The following PREX2 variants were observed in gnomAD, a reference collection of about 807,000 sequenced individuals.
The protein encoded by PREX2 is phosphatidylinositol-3,4,5-trisphosphate dependent Rac exchange factor 2.
Under a neutral mutation model 203.2 loss-of-function variants are expected in PREX2, and 107 were observed. The ratio of observed to expected loss-of-function variants is 0.53; its 90% CI spans 0.45 to 0.62. The LOEUF (loss-of-function observed/expected upper bound fraction) is 0.62. Among genes scored for constraint, PREX2 ranks in the 20% least tolerant of loss-of-function variants. The pLI is 0.00. For missense variants in PREX2, 1,777 were observed against 1,955.9 expected, an observed-to-expected ratio of 0.91 and a Z score of 1.72; for synonymous variants, 672 against 663.6, an observed-to-expected ratio of 1.01 and a Z score of -0.19.
Position 68,131,797 on chromosome 8 carries a change from G to A in PREX2, c.3767-2262G>A, listed in dbSNP as rs185121395. On this transcript the variant is annotated intron_variant, in intron 31 of 39. Transcript: ENST00000288368. Reference sequence around the variant, plus strand: ...CTGGTGATTTTTGTGAAAGCTTACAGTGCAGATCCTTCTTTCTCTAGATTT... The same window carrying A: ...CTGGTGATTTTTGTGAAAGCTTACAATGCAGATCCTTCTTTCTCTAGATTT... Among the ~76,000 whole-genome samples, 215 of 152,242 alleles carry A rather than the reference G, an allele frequency of 1.4e-3. 2 individuals carry two copies. The highest frequency in any genetic ancestry group is 4.7e-3 in the African/African-American group (197 of 41,554).
At chr8:67,983,291 G>T (rs75942294) in intron 1 of PREX2, among the ~76,000 whole-genome samples, 17,347 of 97,272 alleles carry the variant, frequency 0.18, 1,134 homozygotes, top group South Asian at 0.25. Flanking sequence ...GCCCCACAAG[G>T]CATTCATGAA....
intron 1 of PREX2, among the ~76,000 whole-genome samples, chr8:67,996,027 T>G (rs975389170): frequency 4.4e-4 from 67 of 152,284 alleles, no homozygotes; most frequent in African/African-American, 1.5e-3. Context: ...TAATTTTAGT[T>G]CATGATATTT....
intron 39 of PREX2, among the ~76,000 whole-genome samples, chr8:68,230,764 C>A (rs1489083247): frequency 6.6e-6 from 1 of 152,108 alleles, no homozygotes; most frequent in Non-Finnish European, 1.5e-5. Flanking sequence ...TGAGTGGGCC[C>A]TGGGCAGAGC....
In PREX2 at chr8:68,146,209, A is replaced by G; in HGVS notation, c.4088A>G (p.Asn1363Ser). The G allele has an allele frequency of 1.3e-6, 2 of 1,599,458 alleles. No homozygotes were observed. The highest frequency in any genetic ancestry group is 1.7e-6 in the Non-Finnish European group (2 of 1,169,794). Reference sequence around the variant, plus strand: ...AATATACTATTAAATATCATTTTAGATGTTCCTCTTACATATCAAGCAGAA... The same window carrying G: ...AATATACTATTAAATATCATTTTAGGTGTTCCTCTTACATATCAAGCAGAA... The part of the protein sequence containing the change: ...KPSEEEPLVA[N>S]VPLTYQAEGS... The change falls in exon 34 of 40, where the codon AAT (asparagine) becomes AGT (serine). Residue 1363 changes from asparagine (N) to serine (S), a missense_variant and splice_region_variant. By Grantham distance (46) the Asn-to-Ser change is conservative. Transcript: ENST00000288368.
At chr8:68,177,838 C>T (rs1346681581) in intron 35 of PREX2, among the ~76,000 whole-genome samples, 1 of 152,022 alleles carries the variant, frequency 6.6e-6, no homozygotes, top group African/African-American at 2.4e-5. Context: ...CACCCCCTTG[C>T]TCTATGTGTT....
Position 68,193,682 on chromosome 8 carries a change from G to T in PREX2, c.4604+1157G>T, listed in dbSNP as rs1812340351. Among the ~76,000 whole-genome samples the T allele has an allele frequency of 2.0e-5, 3 of 152,208 alleles. No individual in the cohort carries two copies. In the South Asian group the frequency reaches 6.2e-4, roughly 32 times the overall value. The stretch of plus-strand genomic sequence containing the variant: ...AAGAAGACATAAATGGTCTAGGAAA[G>T]TTACAGCTAAAGAGTAGGATTCAGA... On this transcript the variant is annotated intron_variant, in intron 37 of 39. Transcript: ENST00000288368.
chr8:68,195,383 C>T (rs1356331749), intron 37 of PREX2, among the ~76,000 whole-genome samples: 1 of 152,146 alleles, frequency 6.6e-6, no homozygotes, highest in African/African-American at 2.4e-5. Context: ...CTGTAGACAC[C>T]AATGCCCCAT....
chr8:68,083,511 G>T, intron 18 of PREX2, 123 bp downstream of exon 18: 2 of 608,140 alleles, frequency 3.3e-6, no homozygotes, highest in Non-Finnish European at 5.5e-6. Context: ...GAACCTCACC[G>T]GTATCATTAA....
chr8:68,232,323 G>C lies in PREX2; in HGVS notation c.*945G>C, dbSNP rs1336804820. On this transcript the variant is annotated 3_prime_UTR_variant, in exon 40 of 40. Coordinates refer to ENST00000288368, the MANE Select transcript of PREX2 (RefSeq NM_024870.4). ...ACCATCATGAGAATTTTTCTGTTAA[G>C]ATATATGTATAAGATATGAAAATAA... 6.6e-6 allele frequency: 1 copy of C among 152,122 alleles called. No homozygotes were observed. The highest frequency in any genetic ancestry group is 2.4e-5 in the African/African-American group (1 of 41,440). The allele number at this position is 152,122 out of a possible 1,614,324, so 9.4% of individuals were successfully genotyped here. A position where few individuals can be genotyped will look rare whatever the true frequency, so the allele number is the denominator to read the frequency against.
At chr8:68,203,483 C>CAG (rs1439225432) in intron 37 of PREX2, among the ~76,000 whole-genome samples, 1 of 151,956 alleles carries the variant, frequency 6.6e-6, no homozygotes, top group East Asian at 1.9e-4. Flanking sequence ...GTGATTAGTA[C>CAG]AGAGAGAGAA....
At chr8:68,048,248 G>A (rs1171353621) in intron 8 of PREX2, among the ~76,000 whole-genome samples, 1 of 152,036 alleles carries the variant, frequency 6.6e-6, no homozygotes, top group African/African-American at 2.4e-5. Flanking sequence ...TAGTTGGAAA[G>A]CTATTGAACT....
In PREX2 at chr8:68,079,453, C is replaced by T. The variant is rs142090373; in HGVS notation, c.1643-990C>T. ...AATATGTAGAAGGTTTTATTGCCCC[C>T]ACTTTACAGATGAGGAAACTGAAAC... On this transcript the variant is annotated intron_variant, in intron 15 of 39. Transcript: ENST00000288368. Among the ~76,000 whole-genome samples the T allele has an allele frequency of 4.7e-3, 713 of 152,274 alleles. 5 individuals carry two copies. The highest frequency in any genetic ancestry group is 0.016 in the African/African-American group (685 of 41,540).
intron 35 of PREX2, among the ~76,000 whole-genome samples, chr8:68,188,878 A>G (rs1168836023): frequency 6.6e-6 from 1 of 152,192 alleles, no homozygotes; most frequent in South Asian, 2.1e-4. Flanking sequence ...AAGAAACAAA[A>G]ATGTCAAGTT....
intron 6 of PREX2, among the ~76,000 whole-genome samples, chr8:68,035,642 T>C (rs762939923): frequency 6.6e-6 from 1 of 152,152 alleles, no homozygotes; most frequent in Non-Finnish European, 1.5e-5. Flanking sequence ...TGTGTTAGGA[T>C]AATATTTTTA....
chr8:68,056,999 C>T (rs1475104397), intron 10 of PREX2, among the ~76,000 whole-genome samples: 1 of 152,100 alleles, frequency 6.6e-6, no homozygotes, highest in Admixed American at 6.5e-5. Flanking sequence ...GCTACCTCTG[C>T]CTCCCTCATA....
intron 35 of PREX2, among the ~76,000 whole-genome samples, chr8:68,186,748 GTGA>G (rs1350060829): frequency 1.3e-5 from 2 of 152,110 alleles, no homozygotes; most frequent in Non-Finnish European, 2.9e-5. Context: ...TCCTGACCTC[GTGA>G]TCCACCCACC....
intron 31 of PREX2, among the ~76,000 whole-genome samples, chr8:68,128,175 G>A (rs527628954): frequency 1.7e-4 from 26 of 152,254 alleles, no homozygotes; most frequent in Non-Finnish European, 2.4e-4. Flanking sequence ...CCTGCTGTGC[G>A]TCTCTTTCTG....
At chr8:68,167,392 G>T (rs1362754851) in intron 35 of PREX2, among the ~76,000 whole-genome samples, 1 of 150,762 alleles carries the variant, frequency 6.6e-6, no homozygotes, top group East Asian at 2.0e-4. Flanking sequence ...GCAGTGCAGT[G>T]GTGCAATCTT....
At chr8:68,151,344 G>T (rs1194097628) in intron 34 of PREX2, among the ~76,000 whole-genome samples, 1 of 152,066 alleles carries the variant, frequency 6.6e-6, no homozygotes, top group African/African-American at 2.4e-5. Flanking sequence ...TTGAGTCTAA[G>T]AGGCCGAGGC....
Sources: gnomAD v4.1 joint callset for allele counts (sites outside exome capture counted in the v4.1 genomes callset) on GRCh38, gnomAD v4.1.1 for gene constraint, MANE v1.5 for transcripts, NCBI Gene and HGNC (gene_info 2026-07-23, HGNC 2026-07-21) for gene names.